The following WWP2 variants were observed in gnomAD, a reference collection of about 807,000 sequenced individuals.
The protein encoded by WWP2 is WW domain containing E3 ubiquitin protein ligase 2.
In WWP2, 57 loss-of-function variants were observed where a neutral mutation model predicts 121.0. The observed-to-expected ratio is 0.47, with a 90% confidence interval of 0.38 to 0.59. The LOEUF (loss-of-function observed/expected upper bound fraction) is 0.59, where lower values mean the gene tolerates loss of function less well. Among genes scored for constraint, WWP2 ranks in the 20% least tolerant of loss-of-function variants. The pLI is 0.00. For synonymous variants in WWP2, 449 were observed against 441.3 expected (o/e 1.02, Z -0.22); for missense variants, 962 against 1,158.9 (o/e 0.83, Z 2.47).
chr16:69,796,560 C>A (rs1279130897), intron 2 of WWP2, among the ~76,000 whole-genome samples: 1 of 152,206 alleles, frequency 6.6e-6, no homozygotes, highest in African/African-American at 2.4e-5. Context: ...GACCAAAATT[C>A]AAAATTTAAA....
At chr16:69,893,210 G>A (rs1312277487) in intron 8 of WWP2, among the ~76,000 whole-genome samples, 1 of 152,206 alleles carries the variant, frequency 6.6e-6, no homozygotes, top group Non-Finnish European at 1.5e-5. Flanking sequence ...ACAAGAAGAA[G>A]TGTGTCCTTC....
chr16:69,931,754 G>C (rs1488260039), intron 15 of WWP2, 48 bp from the exon 16 acceptor site: 2 of 1,601,754 alleles, frequency 1.2e-6, no homozygotes, highest in African/African-American at 1.3e-5. Flanking sequence ...GCCCCTGCCT[G>C]CTGTGGAAGG....
At chr16:69,891,594 A>G (rs1271119975) in intron 8 of WWP2, among the ~76,000 whole-genome samples, 4 of 152,186 alleles carry the variant, frequency 2.6e-5, no homozygotes, top group Non-Finnish European at 4.4e-5. Flanking sequence ...GTGCTAAACA[A>G]GAAATGGTTC....
chr16:69,915,157 G>T (rs1474310162), intron 9 of WWP2, among the ~76,000 whole-genome samples: 4 of 152,228 alleles, frequency 2.6e-5, no homozygotes, highest in Non-Finnish European at 5.9e-5. Context: ...GGATGCATCA[G>T]TGATAGGTTC....
chr16:69,929,620 A>T, intron 12 of WWP2, 91 bp downstream of exon 12: 1 of 1,140,060 alleles, frequency 8.8e-7, no homozygotes, highest in Non-Finnish European at 1.3e-6. Context: ...GCATCGTCCC[A>T]GAGGGCTGAT....
At chr16:69,917,936 A>C in intron 10 of WWP2, 53 bp downstream of exon 10, 1 of 1,523,382 alleles carries the variant, frequency 6.6e-7, no homozygotes, top group Non-Finnish European at 8.8e-7. Context: ...GCGCTTGCGA[A>C]TGTGCAGCCA....
intron 8 of WWP2, among the ~76,000 whole-genome samples, chr16:69,899,231 C>T (rs1597130066): frequency 6.6e-6 from 1 of 152,130 alleles, no homozygotes; most frequent in South Asian, 2.1e-4. Context: ...TGTTACAGGC[C>T]ACACTTGGTG....
chr16:69,840,408 T>C, intron 5 of WWP2, 145 bp downstream of exon 5: 1 of 1,013,676 alleles, frequency 9.9e-7, no homozygotes, highest in Non-Finnish European at 1.4e-6. Flanking sequence ...GGACTCTTCT[T>C]AGCTCCGTGG....
chr16:69,799,159 G>A lies in WWP2; in HGVS notation c.219-15G>A. ...GATCTGCTTGGATGTAATGAATCAGGTATTTGTTTTTCAGGAATGTCACGG... is the reference window on the plus strand; with the variant it reads ...GATCTGCTTGGATGTAATGAATCAGATATTTGTTTTTCAGGAATGTCACGG... On this transcript the variant is annotated splice_polypyrimidine_tract_variant and intron_variant, in intron 3 of 23. Coordinates refer to ENST00000359154, the MANE Select transcript of WWP2 (RefSeq NM_001270454.2). This position sits in a 1 kb window ranked among gnomAD's most constrained non-coding sequence, Gnocchi z 4.5. 1.2e-6 allele frequency: 2 copies of A among 1,607,944 alleles called. No homozygotes were observed. Among genetic ancestry groups the A allele is most frequent in the Non-Finnish European group, 1.7e-6 (2 of 1,177,750 alleles).
intron 8 of WWP2, among the ~76,000 whole-genome samples, chr16:69,890,305 T>C (rs2058003762): frequency 6.6e-6 from 1 of 152,146 alleles, no homozygotes; most frequent in African/African-American, 2.4e-5. Context: ...GTTCAGAAAG[T>C]CCTGTTCCAC....
At chr16:69,781,344 C>T (rs934757303) in intron 1 of WWP2, among the ~76,000 whole-genome samples, 3 of 151,900 alleles carry the variant, frequency 2.0e-5, no homozygotes, top group South Asian at 2.1e-4. Context: ...GGCTTTTACT[C>T]TTTTTTTGTT....
At chr16:69,913,791 T>G (rs1333297859) in intron 9 of WWP2, among the ~76,000 whole-genome samples, 1 of 151,858 alleles carries the variant, frequency 6.6e-6, no homozygotes, top group Non-Finnish European at 1.5e-5. Context: ...AAATTTGGGC[T>G]GAGCATGGTG....
intron 4 of WWP2, among the ~76,000 whole-genome samples, chr16:69,824,062 A>G (rs541112683): frequency 5.3e-5 from 8 of 152,186 alleles, no homozygotes; most frequent in Non-Finnish European, 1.2e-4. Flanking sequence ...CCCCTTGCCA[A>G]AAACAAAACT....
intron 7 of WWP2, among the ~76,000 whole-genome samples, chr16:69,885,266 A>T (rs1482208568): frequency 1.3e-5 from 2 of 152,200 alleles, no homozygotes; most frequent in Non-Finnish European, 2.9e-5. Context: ...TAAAATGTAT[A>T]GCTGTGCATA....
At chr16:69,809,809 A>T (rs949685139) in intron 4 of WWP2, among the ~76,000 whole-genome samples, 1 of 151,424 alleles carries the variant, frequency 6.6e-6, no homozygotes, top group Non-Finnish European at 1.5e-5. Context: ...AGAGAGAGAG[A>T]TAGGAAGGAA....
Position 69,936,471 on chromosome 16 carries a change from G to A in WWP2, c.2117+19G>A, listed in dbSNP as rs750354017. ...ACATCATGTGAGTCTCAGGCGCCGG[G>A]GGCTCCGCTCCAGGGGTGGCGTGGA... On this transcript the variant is annotated intron_variant, in intron 19 of 23. Coordinates refer to ENST00000359154, the MANE Select transcript of WWP2 (RefSeq NM_001270454.2). The A allele has an allele frequency of 9.3e-6, 15 of 1,613,476 alleles. No homozygotes were observed. The highest frequency in any genetic ancestry group is 2.5e-6 in the Non-Finnish European group (3 of 1,179,898).
intron 2 of WWP2, among the ~76,000 whole-genome samples, chr16:69,791,245 T>C (rs887909345): frequency 2.0e-5 from 3 of 151,870 alleles, no homozygotes; most frequent in Admixed American, 6.6e-5. Flanking sequence ...TTTTTTTTTT[T>C]GAGACGGAGT....
intron 7 of WWP2, among the ~76,000 whole-genome samples, chr16:69,882,453 T>C (rs1372339313): frequency 6.6e-6 from 1 of 152,240 alleles, no homozygotes; most frequent in Non-Finnish European, 1.5e-5. Flanking sequence ...CAAATATTTA[T>C]CAAATGTTAA....
chr16:69,781,273 G>A (rs1242062690), intron 1 of WWP2, among the ~76,000 whole-genome samples: 1 of 152,156 alleles, frequency 6.6e-6, no homozygotes, highest in Admixed American at 6.6e-5. Flanking sequence ...TGAGGTCAGA[G>A]AGGGGTGTGG....
Sources: gnomAD v4.1 joint callset for allele counts (sites outside exome capture counted in the v4.1 genomes callset) on GRCh38, gnomAD v4.1.1 for gene constraint, Gnocchi (gnomAD v3.1) non-coding constraint, MANE v1.5 for transcripts, NCBI Gene and HGNC (gene_info 2026-07-23, HGNC 2026-07-21) for gene names.